IL1RAPL1: variants seen among roughly 807,000 people sequenced by gnomAD.
The protein encoded by IL1RAPL1 is interleukin-1 receptor accessory protein-like 1.
Under a neutral mutation model 48.4 loss-of-function variants are expected in IL1RAPL1, and 3 were observed. The ratio of observed to expected loss-of-function variants is 0.06; its 90% CI spans 0.03 to 0.16. IL1RAPL1 has a LOEUF of 0.16. IL1RAPL1 is among the 10% of genes least tolerant of loss of function. IL1RAPL1 has a pLI of 1.00. For synonymous variants in IL1RAPL1, 185 were observed against 187.7 expected, an observed-to-expected ratio of 0.99 and a Z score of 0.12; for missense variants, 349 against 530.6, an observed-to-expected ratio of 0.66 and a Z score of 3.36.
intron 1 of IL1RAPL1, among the ~76,000 whole-genome samples, chrX:28,788,224 T>A (rs1601903661): frequency 8.9e-6 from 1 of 111,871 alleles, no homozygotes; most frequent in South Asian, 3.7e-4. Context: ...CATTTCACAA[T>A]ATATATGCAT....
intron 2 of IL1RAPL1, among the ~76,000 whole-genome samples, chrX:28,918,716 T>C (rs1487621431): frequency 6.3e-5 from 7 of 111,739 alleles, no homozygotes; most frequent in Non-Finnish European, 1.1e-4. Flanking sequence ...AGGTGTTTGG[T>C]GTATGAAAAC....
At chrX:29,165,949 T>G (rs1158549155) in intron 2 of IL1RAPL1, among the ~76,000 whole-genome samples, 1 of 112,416 alleles carries the variant, frequency 8.9e-6, no homozygotes, top group Admixed American at 9.5e-5. Context: ...AAGACCGAAT[T>G]TCTAGGTTTG....
rs5985907 is a variant in IL1RAPL1 at position 28,777,918 on chromosome X, T to A, written c.-24-11402T>A. 6.3e-3 allele frequency among the ~76,000 whole-genome samples: 708 copies of A among 111,660 alleles called. 5 individuals carry two copies. The highest frequency in any genetic ancestry group is 0.022 in the African/African-American group (672 of 30,779). On this transcript the variant is annotated intron_variant, in intron 1 of 10. Transcript: ENST00000378993. ...CAATGAATAATCTATCTCACCAGAT[T>A]AATAGTACCATGTTTGAGAAACCCT...
chrX:29,157,314 G>A (rs898137262), intron 2 of IL1RAPL1, among the ~76,000 whole-genome samples: 1 of 111,525 alleles, frequency 9.0e-6, no homozygotes, highest in African/African-American at 3.3e-5. Flanking sequence ...GGGAGCAAGG[G>A]AAACACCTAC....
intron 2 of IL1RAPL1, among the ~76,000 whole-genome samples, chrX:29,176,085 CTT>C (rs752040172): frequency 2.6e-5 from 2 of 75,746 alleles, no homozygotes; most frequent in African/African-American, 4.9e-5. Flanking sequence ...TGGTAATTTG[CTT>C]TTTTTTTTTT....
At chrX:28,598,005 T>G (rs1306424728) in intron 1 of IL1RAPL1, among the ~76,000 whole-genome samples, 2 of 110,756 alleles carry the variant, frequency 1.8e-5, no homozygotes, top group Non-Finnish European at 3.8e-5. Context: ...GACTCTAAAG[T>G]GACAATTCAT....
chrX:29,131,558 C>T (rs1351808454), intron 2 of IL1RAPL1, among the ~76,000 whole-genome samples: 1 of 111,072 alleles, frequency 9.0e-6, no homozygotes, highest in Non-Finnish European at 1.9e-5. Flanking sequence ...ACAGTTAGCA[C>T]TTCTGGGACT....
intron 1 of IL1RAPL1, among the ~76,000 whole-genome samples, chrX:28,656,772 A>G (rs1934752417): frequency 9.0e-6 from 1 of 110,685 alleles, no homozygotes; most frequent in Non-Finnish European, 1.9e-5. Context: ...CACGCCTGTA[A>G]TCCCAGCACT....
chrX:29,593,308 A>T (rs1003722430), intron 5 of IL1RAPL1, among the ~76,000 whole-genome samples: 1 of 111,719 alleles, frequency 9.0e-6, no homozygotes, highest in Non-Finnish European at 1.9e-5. Context: ...ATCTTGGCAT[A>T]TGGTTCCTAC....
intron 2 of IL1RAPL1, among the ~76,000 whole-genome samples, chrX:28,827,673 A>C (rs1485059726): frequency 9.0e-6 from 1 of 111,650 alleles, no homozygotes; most frequent in Admixed American, 9.5e-5. Flanking sequence ...AGTTTTATTC[A>C]TTTATTTGTA....
At chrX:29,803,036 T>C (rs1208240901) in intron 6 of IL1RAPL1, among the ~76,000 whole-genome samples, 1 of 81,902 alleles carries the variant, frequency 1.2e-5, no homozygotes, top group Non-Finnish European at 2.3e-5. Flanking sequence ...CATGTATGCA[T>C]ATATACATAT....
chrX:29,117,483 T>G (rs1306999251), intron 2 of IL1RAPL1, among the ~76,000 whole-genome samples: 1 of 112,429 alleles, frequency 8.9e-6, no homozygotes, highest in Non-Finnish European at 1.9e-5. Flanking sequence ...ATTCTACAGA[T>G]AAAGCACAAG....
intron 2 of IL1RAPL1, among the ~76,000 whole-genome samples, chrX:28,897,283 G>A (rs182591035): frequency 1.3e-4 from 14 of 111,638 alleles, no homozygotes; most frequent in East Asian, 2.9e-4. Context: ...CAAGGCAGGC[G>A]TCCCTGCGTG....
At chrX:29,205,364 T>C (rs866951222) in intron 2 of IL1RAPL1, among the ~76,000 whole-genome samples, 1 of 112,335 alleles carries the variant, frequency 8.9e-6, no homozygotes, top group African/African-American at 3.2e-5. Context: ...ATTTAGGCCA[T>C]AATATTTGAT....
Position 29,076,805 on chromosome X carries a change from T to TGTCTGTCTATCTATCTATC in IL1RAPL1, c.83-206133_83-206132insGTCTGTCTATCTATCTATC, listed in dbSNP as rs1927685860. On this transcript the variant is annotated intron_variant, in intron 2 of 10. Transcript: ENST00000378993. ...CTGTCTGTCTGTCTGTCTGTCTGTC[T>TGTCTGTCTATCTATCTATC]ATCTATCTATCTATCTATCTATCTA... is the stretch of plus-strand genomic sequence containing the variant. Among the ~76,000 whole-genome samples the TGTCTGTCTATCTATCTATC allele has an allele frequency of 2.8e-5, 3 of 108,349 alleles. No homozygotes were observed. In the South Asian group the frequency reaches 1.2e-3, roughly 44 times the overall value. 94.1% of individuals were successfully genotyped at this position (108,349 alleles called of 115,157 possible).
chrX:29,236,616 G>A (rs1248805229), intron 2 of IL1RAPL1, among the ~76,000 whole-genome samples: 1 of 89,699 alleles, frequency 1.1e-5, no homozygotes, highest in Non-Finnish European at 2.1e-5. Flanking sequence ...ACAGTGGTGC[G>A]ATCTCTGCTC....
At chrX:29,535,280 G>A (rs1448114389) in intron 5 of IL1RAPL1, among the ~76,000 whole-genome samples, 1 of 110,200 alleles carries the variant, frequency 9.1e-6, no homozygotes, top group Admixed American at 9.7e-5. Context: ...TACAGATTAA[G>A]TAAAACTAGG....
intron 5 of IL1RAPL1, among the ~76,000 whole-genome samples, chrX:29,585,977 C>T (rs140455294): frequency 1.1e-4 from 12 of 111,462 alleles, no homozygotes; most frequent in South Asian, 3.7e-4. Context: ...TATTTTATTC[C>T]GTGCTATAAG....
chrX:28,776,824 C>A (rs1936367665), intron 1 of IL1RAPL1, among the ~76,000 whole-genome samples: 1 of 111,477 alleles, frequency 9.0e-6, no homozygotes, highest in African/African-American at 3.3e-5. Flanking sequence ...AAGTGCTCAA[C>A]AAATGTTGGC....
Sources: gnomAD v4.1 joint callset for allele counts (sites outside exome capture counted in the v4.1 genomes callset) on GRCh38, gnomAD v4.1.1 for gene constraint, MANE v1.5 for transcripts, NCBI Gene and HGNC (gene_info 2026-07-23, HGNC 2026-07-21) for gene names.